Variants in MTERF4 observed in about 807,000 individuals in gnomAD.
MTERF4 encodes transcription termination factor 4, mitochondrial.
In MTERF4, 17 loss-of-function variants were observed where a neutral mutation model predicts 22.5. The observed-to-expected ratio is 0.75, with a 90% CI of 0.52 to 1.13. The LOEUF is 1.13. MTERF4 is among the 50% of genes most tolerant of loss of function. MTERF4 has a pLI of 0.00. For synonymous variants in MTERF4, 165 were observed against 175.3 expected (o/e 0.94, Z 0.47); for missense variants, 420 against 466.8 (o/e 0.90, Z 0.92).
chr2:241,082,476 C>A (rs2063376386), downstream of MTERF4: 4 of 742,486 alleles, frequency 5.4e-6, no homozygotes. Flanking sequence ...TGGCTGCAGT[C>A]ACAGAAGGGA....
rs115670411 is a variant in MTERF4, at chr2:241,081,714, C to T, written n.480-6032G>A. 6,492 of 1,609,464 alleles carry T rather than the reference C, an allele frequency of 4.0e-3. 18 individuals carry two copies. The highest frequency in any genetic ancestry group is 7.0e-3 in the Admixed American group (418 of 59,454). Reference sequence around the variant, plus strand: ...ACTGTTCAGAAAACCCCTGTCAGAACGGAGGCACTTGTGTGCCGGGCGCAG... The same window carrying T: ...ACTGTTCAGAAAACCCCTGTCAGAATGGAGGCACTTGTGTGCCGGGCGCAG... On this transcript the variant is annotated intron_variant and non_coding_transcript_variant, in intron 4 of 4. Transcript: ENST00000464344.
At chr2:241,054,583 A>G in the MTERF4 span, among the ~76,000 whole-genome samples, 2 of 152,218 alleles carry the variant, frequency 1.3e-5, no homozygotes, top group Non-Finnish European at 2.9e-5. Context: ...AAAAAAGAAA[A>G]TGGATTAACG....
chr2:241,053,134 A>C, the MTERF4 span: 4 of 1,602,768 alleles, frequency 2.5e-6, no homozygotes, highest in Non-Finnish European at 3.4e-6. Context: ...CGTGCGAGAC[A>C]GGCTGCCGTG....
At chr2:241,085,330 C>G (rs959563476), downstream of MTERF4, among the ~76,000 whole-genome samples, 2 of 152,204 alleles carry the variant, frequency 1.3e-5, no homozygotes, top group African/African-American at 2.4e-5. Flanking sequence ...TATTGCTATG[C>G]ACTCAAGGTC....
intron 4 of MTERF4, chr2:241,081,906 A>G (rs1454210478): frequency 5.0e-6 from 4 of 792,658 alleles, no homozygotes; most frequent in Non-Finnish European, 8.4e-6. Context: ...ATGAGGTGCC[A>G]GACAGGGAGT....
chr2:241,048,143 C>T, the MTERF4 span, among the ~76,000 whole-genome samples: 3 of 152,242 alleles, frequency 2.0e-5, no homozygotes, highest in South Asian at 6.2e-4. Flanking sequence ...TGCTGAGCTC[C>T]ATGGGGTGCA....
the MTERF4 span, among the ~76,000 whole-genome samples, chr2:241,053,884 A>G: frequency 6.6e-6 from 1 of 152,218 alleles, no homozygotes; most frequent in Non-Finnish European, 1.5e-5. Flanking sequence ...CTGCAGGTGC[A>G]TCGCATTATG....
At chr2:241,082,852 C>CT (rs1233500448), downstream of MTERF4, among the ~76,000 whole-genome samples, 1 of 152,234 alleles carries the variant, frequency 6.6e-6, no homozygotes, top group Non-Finnish European at 1.5e-5. Flanking sequence ...TGCTAACACT[C>CT]TATGACTCTG....
chr2:241,098,853 G>A (rs187453989), intron 2 of MTERF4, among the ~76,000 whole-genome samples: 1 of 152,266 alleles, frequency 6.6e-6, no homozygotes, highest in Admixed American at 6.5e-5. Flanking sequence ...CGGTGAACAA[G>A]GCAGACAAGA....
At chr2:241,064,175 G>A in the MTERF4 span, 9 of 1,262,020 alleles carry the variant, frequency 7.1e-6, no homozygotes, top group East Asian at 1.1e-4. The surrounding 1 kb of genome is among the most constrained non-coding windows in gnomAD (Gnocchi z 7.0). Flanking sequence ...CCTGCTCCCC[G>A]CCCTCTGCCC....
Position 241,096,357 on chromosome 2 carries a change from G to C in MTERF4, c.787C>G (p.Gln263Glu), listed in dbSNP as rs780568660. The C allele has an allele frequency of 1.2e-6, 2 of 1,614,138 alleles. No individual in the cohort carries two copies. Among genetic ancestry groups the C allele is most frequent in the Non-Finnish European group, 8.5e-7 (1 of 1,180,040 alleles). The change falls in exon 4 of 4, where the codon CAG becomes GAG. Residue 263 changes from glutamine to glutamate, a missense_variant. Transcript: ENST00000391980. The surrounding 1 kb of genome is among the most constrained non-coding windows in gnomAD (Gnocchi z 5.1). ...YLQYSLTKIK[Q>E]RHIYLERLGR... ...AGGCGCTCCAGGTAAATGTGTCTCT[G>C]CTTAATCTTGGTTAGTGAATACTGC...
chr2:241,072,167 C>T, downstream of MTERF4: 1 of 657,500 alleles, frequency 1.5e-6, no homozygotes, highest in East Asian at 3.0e-5. Flanking sequence ...AGAAGCAGGT[C>T]TGAGACATTA....
chr2:241,048,629 C>CACATGGG, the MTERF4 span: 3 of 1,571,242 alleles, frequency 1.9e-6, no homozygotes, highest in South Asian at 3.5e-5. Context: ...TCTGCGCCCC[C>CACATGGG]ACATGGGAGG....
intron 4 of MTERF4, among the ~76,000 whole-genome samples, chr2:241,081,376 C>T (rs2063320272): frequency 6.6e-6 from 1 of 152,164 alleles, no homozygotes; most frequent in Non-Finnish European, 1.5e-5. Context: ...GAAGGCCCCG[C>T]TCCTCCCTCC....
downstream of MTERF4, chr2:241,071,967 C>G (rs1354272328): frequency 1.9e-6 from 2 of 1,077,276 alleles, no homozygotes; most frequent in Admixed American, 2.0e-5. Context: ...ACATGATGAG[C>G]CCACCCCCAC....
intron 1 of MTERF4, among the ~76,000 whole-genome samples, chr2:241,101,406 G>A (rs1300524993): frequency 6.6e-6 from 1 of 152,238 alleles, no homozygotes. Context: ...TGTAAATACA[G>A]TCTGGCTGGC....
Position 241,080,936 on chromosome 2 carries a change from G to A in MTERF4, n.480-5254C>T, listed in dbSNP as rs142549014. ...AGCTGGTGAGGGCAGGAGCGACAGG[G>A]ACAGACACAGGTCTGTGAGAGGACA... On this transcript the variant is annotated intron_variant and non_coding_transcript_variant, in intron 4 of 4. Coordinates refer to the MTERF4 transcript ENST00000464344. 1.7e-3 allele frequency among the ~76,000 whole-genome samples: 257 copies of A among 152,350 alleles called. 10 individuals are homozygous for A. The East Asian group carries it at 0.045, about 27-fold the overall frequency.
the MTERF4 span, chr2:241,052,536 G>A: frequency 3.3e-6 from 4 of 1,225,376 alleles, no homozygotes; most frequent in Non-Finnish European, 4.7e-6. Context: ...GATGGCCAGG[G>A]CCCAAGCAGG....
the MTERF4 span, chr2:241,065,193 G>C: frequency 8.5e-7 from 1 of 1,179,386 alleles, no homozygotes; most frequent in Non-Finnish European, 1.2e-6. Flanking sequence ...AGCGATGGCT[G>C]TGTCAGGCCC....
Sources: allele counts gnomAD v4.1 joint callset (sites outside exome capture counted in the v4.1 genomes callset), GRCh38; gene constraint gnomAD v4.1.1; non-coding constraint Gnocchi (gnomAD v3.1); transcripts MANE v1.5; gene names NCBI Gene and HGNC (gene_info 2026-07-23, HGNC 2026-07-21).